The following DLG2 variants were observed in gnomAD, a reference collection of about 807,000 sequenced individuals.
DLG2 encodes disks large homolog 2.
A neutral mutation model predicts 132.5 loss-of-function variants in DLG2; 45 were observed. That is an observed-to-expected ratio of 0.34 (90% CI 0.27 to 0.44). The LOEUF is 0.44. Among genes scored for constraint, DLG2 ranks in the 20% least tolerant of loss-of-function variants. The pLI is 1.00. For synonymous variants in DLG2, 424 were observed against 419.6 expected (o/e 1.01, Z -0.13); for missense variants, 1,045 against 1,196.9 (o/e 0.87, Z 1.87).
chr11:84,852,557 G>A (rs1275729232), intron 6 of DLG2, among the ~76,000 whole-genome samples: 1 of 151,918 alleles, frequency 6.6e-6, no homozygotes, highest in Non-Finnish European at 1.5e-5. Context: ...GATTTAGAGA[G>A]TAATAAATAG....
chr11:84,740,879 C>T (rs532034887), intron 6 of DLG2, among the ~76,000 whole-genome samples: 44 of 152,142 alleles, frequency 2.9e-4, no homozygotes, highest in African/African-American at 9.6e-4. Context: ...AACAAAATGG[C>T]TATCAGGCCA....
intron 4 of DLG2, among the ~76,000 whole-genome samples, chr11:85,172,231 A>C (rs2078927751): frequency 6.6e-6 from 1 of 152,200 alleles, no homozygotes. Flanking sequence ...TGACCCCCTG[A>C]AATCCATTAG....
chr11:83,770,255 G>GTTTTTTTTTTTTTTT lies in DLG2; in HGVS notation c.1825+16434_1825+16435insAAAAAAAAAAAAAAA, dbSNP rs143065797. Among the ~76,000 whole-genome samples, 714 of 108,642 alleles carry GTTTTTTTTTTTTTTT rather than the reference G, an allele frequency of 6.6e-3. 38 individuals carry two copies. The highest frequency in any genetic ancestry group is 9.6e-3 in the African/African-American group (232 of 24,054). The allele number at this position is 108,642 out of a possible 152,430, so 71.3% of individuals were successfully genotyped here. ...TACCTTTTGTCTCGTGGTGTCTGGT[G>GTTTTTTTTTTTTTTT]TTTTTTTTTGTTTTTTTGCTTTTTG... On this transcript the variant is annotated intron_variant, in intron 18 of 27. Transcript: ENST00000376104.
chr11:83,940,193 C>G (rs10898182), intron 14 of DLG2, among the ~76,000 whole-genome samples: 1 of 152,030 alleles, frequency 6.6e-6, no homozygotes, highest in Admixed American at 6.5e-5. Context: ...ATTGGTCCTT[C>G]CTTCCACCCC....
At chr11:84,948,365 C>G (rs890527069) in intron 6 of DLG2, among the ~76,000 whole-genome samples, 3 of 152,176 alleles carry the variant, frequency 2.0e-5, no homozygotes, top group Admixed American at 6.5e-5. Context: ...TTTCTGCAAC[C>G]TACTGTGCAT....
At chr11:84,876,211 T>G (rs1008999200) in intron 6 of DLG2, among the ~76,000 whole-genome samples, 1 of 152,154 alleles carries the variant, frequency 6.6e-6, no homozygotes, top group African/African-American at 2.4e-5. Context: ...GAGCTCCCTG[T>G]GTTGGCTGAT....
intron 7 of DLG2, among the ~76,000 whole-genome samples, chr11:84,415,646 G>T (rs148647421): frequency 1.5e-3 from 221 of 152,166 alleles, no homozygotes; most frequent in African/African-American, 5.1e-3. Flanking sequence ...TGTGGCCAGC[G>T]CCAGTGAAAC....
At chr11:84,375,489 A>C (rs1470171883) in intron 7 of DLG2, among the ~76,000 whole-genome samples, 1 of 152,090 alleles carries the variant, frequency 6.6e-6, no homozygotes, top group Non-Finnish European at 1.5e-5. Context: ...TTTATACCTT[A>C]ATTTATCTTC....
intron 11 of DLG2, among the ~76,000 whole-genome samples, chr11:83,998,542 A>G (rs1473972061): frequency 6.6e-6 from 1 of 152,224 alleles, no homozygotes; most frequent in Non-Finnish European, 1.5e-5. Flanking sequence ...GGGAGATGAG[A>G]GACTCCTCAA....
intron 2 of DLG2, among the ~76,000 whole-genome samples, chr11:85,615,798 A>G (rs2081293299): frequency 6.6e-6 from 1 of 152,096 alleles, no homozygotes; most frequent in Admixed American, 6.6e-5. Context: ...ATCTGTGATC[A>G]AATGCATCAT....
chr11:83,729,733 C>T (rs1274726288), intron 18 of DLG2, among the ~76,000 whole-genome samples: 1 of 152,206 alleles, frequency 6.6e-6, no homozygotes, highest in Non-Finnish European at 1.5e-5. Context: ...AGATTCTATA[C>T]ATTAGACTCC....
intron 6 of DLG2, among the ~76,000 whole-genome samples, chr11:84,810,497 G>A (rs375460248): frequency 2.0e-5 from 3 of 152,110 alleles, no homozygotes; most frequent in East Asian, 1.9e-4. Flanking sequence ...TTGCTATTTA[G>A]GACATGGAGA....
Position 84,135,880 on chromosome 11 carries a change from G to A in DLG2, c.624+27581C>T, listed in dbSNP as rs2094582292. On this transcript the variant is annotated intron_variant, in intron 9 of 27. Transcript: ENST00000376104. ...TAATACATTGTGGGGACTTAAGCCTGGGACATAAAGACTAGTTAGGTGGCT... is the reference window on the plus strand; with the variant it reads ...TAATACATTGTGGGGACTTAAGCCTAGGACATAAAGACTAGTTAGGTGGCT... Among the ~76,000 whole-genome samples the A allele has an allele frequency of 2.6e-5, 4 of 152,044 alleles. 1 individual carries two copies. The South Asian group carries it at 8.3e-4, about 32-fold the overall frequency.
intron 18 of DLG2, among the ~76,000 whole-genome samples, chr11:83,712,330 T>A (rs150932280): frequency 1.3e-5 from 2 of 152,038 alleles, no homozygotes; most frequent in Non-Finnish European, 2.9e-5. Context: ...CATGCAGTCA[T>A]AAAAAGGATC....
chr11:83,875,591 C>A (rs1037033990), intron 15 of DLG2, among the ~76,000 whole-genome samples: 3 of 152,038 alleles, frequency 2.0e-5, no homozygotes, highest in African/African-American at 7.2e-5. Context: ...GAGATAGGCA[C>A]AATAATAATA....
At chr11:83,890,220 C>T (rs960229196) in intron 15 of DLG2, among the ~76,000 whole-genome samples, 1 of 152,068 alleles carries the variant, frequency 6.6e-6, no homozygotes, top group African/African-American at 2.4e-5. Context: ...GGATTTTAGG[C>T]ATCTAATTCA....
At chr11:84,956,626 T>C (rs948582232) in intron 6 of DLG2, among the ~76,000 whole-genome samples, 2 of 152,196 alleles carry the variant, frequency 1.3e-5, no homozygotes, top group African/African-American at 4.8e-5. Context: ...AAAATGAGAA[T>C]AGTAGCCTTG....
chr11:84,943,202 G>GTGTGTGTC (rs1481407249), intron 6 of DLG2, among the ~76,000 whole-genome samples: 2,046 of 144,050 alleles, frequency 0.014, 39 homozygotes, highest in African/African-American at 0.049. Context: ...GTGTGTGTGT[G>GTGTGTGTC]TATCTATTCA....
chr11:85,021,474 C>T, intron 6 of DLG2: 1 of 1,434,680 alleles, frequency 7.0e-7, no homozygotes, highest in Non-Finnish European at 9.8e-7. Context: ...GGGCATTTCT[C>T]TCATTAACAT....
Sources: gnomAD v4.1 joint callset for allele counts (sites outside exome capture counted in the v4.1 genomes callset) on GRCh38, gnomAD v4.1.1 for gene constraint, MANE v1.5 for transcripts, NCBI Gene and HGNC (gene_info 2026-07-23, HGNC 2026-07-21) for gene names.